The following SRRM3 variants were observed in gnomAD, a reference collection of about 807,000 sequenced individuals.
The protein encoded by SRRM3 is serine/arginine repetitive matrix 3, also known as serine/arginine repetitive matrix protein 3.
SRRM3 carries 27 observed loss-of-function variants against 66.2 expected under a neutral mutation model. The observed-to-expected ratio is 0.41, with a 90% CI of 0.30 to 0.56. The LOEUF (loss-of-function observed/expected upper bound fraction) is 0.56, where lower values mean the gene tolerates loss of function less well. Ranked by LOEUF, SRRM3 falls within the 20% of genes least tolerant of loss-of-function variation. The pLI, the probability that SRRM3 is intolerant of heterozygous loss-of-function variation, is 0.32. For synonymous variants in SRRM3, 391 were observed against 414.9 expected (o/e 0.94, Z 0.70); for missense variants, 918 against 991.9 (o/e 0.93, Z 1.00).
At chr7:76,262,424 T>C (rs1801897461) in intron 8 of SRRM3, among the ~76,000 whole-genome samples, 1 of 148,920 alleles carries the variant, frequency 6.7e-6, no homozygotes, top group Non-Finnish European at 1.5e-5. Context: ...GAGAATCACT[T>C]GAACCCGGGT....
intron 1 of SRRM3, among the ~76,000 whole-genome samples, chr7:76,214,134 C>T (rs1372840006): frequency 6.6e-6 from 1 of 152,112 alleles, no homozygotes; most frequent in Non-Finnish European, 1.5e-5. Flanking sequence ...TTCCCTCCTC[C>T]ACCATGCTGT....
At chr7:76,213,231 G>A (rs1275265687) in intron 1 of SRRM3, among the ~76,000 whole-genome samples, 1 of 151,044 alleles carries the variant, frequency 6.6e-6, no homozygotes, top group Admixed American at 6.6e-5. Flanking sequence ...GGCTGGTCTC[G>A]AACTCCTGAC....
chr7:76,283,226 G>A (rs1023059527), intron 14 of SRRM3, 125 bp downstream of exon 14: 3 of 1,149,440 alleles, frequency 2.6e-6, no homozygotes, highest in Middle Eastern at 6.1e-4. Flanking sequence ...GATGGGGGGG[G>A]GTGCTAAGGG....
In SRRM3 at chr7:76,263,875, G is replaced by GCCAAAAAAAAA. The variant is rs1243393227; in HGVS notation, c.675-890_675-889insCCAAAAAAAAA. The stretch of plus-strand genomic sequence containing the variant: ...GCAACAGAGCGGGACTCTGTCTCAA[G>GCCAAAAAAAAA]ACAAAAAAAAAAAAAAAAAAAAAAA... On this transcript the variant is annotated intron_variant, in intron 8 of 14. Transcript: ENST00000611745. Among the ~76,000 whole-genome samples, 224 of 26,730 alleles carry GCCAAAAAAAAA rather than the reference G, an allele frequency of 8.4e-3. 23 individuals carry two copies. The highest frequency in any genetic ancestry group is 9.9e-3 in the Non-Finnish European group (143 of 14,516). The allele number at this position is 26,730 out of a possible 152,430, so 17.5% of individuals were successfully genotyped here.
At chr7:76,260,940 G>T (rs1801847291) in intron 6 of SRRM3, 37 bp downstream of exon 6, 3 of 1,550,512 alleles carry the variant, frequency 1.9e-6, no homozygotes, top group Non-Finnish European at 2.6e-6. Context: ...CCAGGGCGGG[G>T]GATGTCTGTG....
intron 1 of SRRM3, among the ~76,000 whole-genome samples, chr7:76,232,755 G>C (rs1250878562): frequency 6.6e-6 from 1 of 152,292 alleles, no homozygotes; most frequent in South Asian, 2.1e-4. Context: ...TGGAGACGGG[G>C]CTGGACCAGG....
rs1800769562 is a variant in SRRM3 at position 76,223,262 on chromosome 7, T to C, written c.-39-11766T>C. On this transcript the variant is annotated intron_variant, in intron 1 of 14. Coordinates refer to ENST00000611745, the MANE Select transcript of SRRM3 (RefSeq NM_001110199.3). The stretch of plus-strand genomic sequence containing the variant: ...GATGGGGTGTCTCTTGGTCCTCTGG[T>C]CCTTACCCCCCCAGCCCCACGCTCT... Among the ~76,000 whole-genome samples the C allele has an allele frequency of 2.0e-5, 3 of 152,140 alleles. 1 individual carries two copies. In the South Asian group the frequency reaches 6.2e-4, roughly 32 times the overall value.
intron 11 of SRRM3, chr7:76,273,686 C>T (rs1303423435): frequency 6.6e-6 from 1 of 152,244 alleles, no homozygotes; most frequent in Admixed American, 6.5e-5. Flanking sequence ...TTCTTTCTCT[C>T]TCTCAATCTT....
In SRRM3 at chr7:76,265,828, T is replaced by TTATA. The variant is rs1167434051; in HGVS notation, c.830+388_830+391dup. Among the ~76,000 whole-genome samples, 179 of 25,544 alleles carry TTATA rather than the reference T, an allele frequency of 7.0e-3. 9 individuals are homozygous for TTATA. Among genetic ancestry groups the TTATA allele is most frequent in the Middle Eastern group, 0.028 (1 of 36 alleles). 16.8% of individuals were successfully genotyped at this position (25,544 alleles called of 152,430 possible). A position where few individuals can be genotyped will look rare whatever the true frequency, so the allele number is the denominator to read the frequency against. On this transcript the variant is annotated intron_variant, in intron 10 of 14. Transcript: ENST00000611745. ...TATATTTTATATATTTAATAAATATTTATATATATATATATATATATATAT... is the reference window on the plus strand; with the variant it reads ...TATATTTTATATATTTAATAAATATTTATATATATATATATATATATATATATAT...
At chr7:76,276,903 G>A (rs1242787974) in intron 11 of SRRM3, among the ~76,000 whole-genome samples, 1 of 152,190 alleles carries the variant, frequency 6.6e-6, no homozygotes, top group Non-Finnish European at 1.5e-5. Flanking sequence ...TGAGTTGGTT[G>A]TACTCTGAAA....
chr7:76,210,623 C>T (rs538276784), intron 1 of SRRM3, among the ~76,000 whole-genome samples: 1 of 152,226 alleles, frequency 6.6e-6, no homozygotes, highest in African/African-American at 2.4e-5. Context: ...CACCTGTGGT[C>T]CTAGATACTT....
chr7:76,259,595 A>G (rs1583918039), intron 3 of SRRM3, among the ~76,000 whole-genome samples: 1 of 151,818 alleles, frequency 6.6e-6, no homozygotes, highest in Non-Finnish European at 1.5e-5. Context: ...AAAAAAAAAA[A>G]AAGAGGAGGG....
At position 76,235,270 on chromosome 7, in the gene SRRM3, G is replaced by A; in HGVS notation, c.204G>A (p.Met68Ile). ...AGCGGCGGGTGGAGCTCAAGTGCAT[G>A]GAGCTGCAGGAGATGATGGAGGAGC... ...ERKRRVELKC[M>I]ELQEMMEEQG... The change falls in exon 2 of 15, where the codon ATG (methionine) becomes ATA (isoleucine). Residue 68 changes from methionine to isoleucine, a missense_variant. Coordinates refer to ENST00000611745, the MANE Select transcript of SRRM3 (RefSeq NM_001110199.3). The A allele has an allele frequency of 6.5e-7, 1 of 1,533,578 alleles. No homozygotes were observed. Among genetic ancestry groups the A allele is most frequent in the Non-Finnish European group, 8.7e-7 (1 of 1,146,838 alleles). The allele number at this position is 1,533,578 out of a possible 1,614,324, so 95.0% of individuals were successfully genotyped here. A position where few individuals can be genotyped will look rare whatever the true frequency, so the allele number is the denominator to read the frequency against.
chr7:76,241,204 C>A (rs1801286937), intron 2 of SRRM3, among the ~76,000 whole-genome samples: 1 of 152,052 alleles, frequency 6.6e-6, no homozygotes, highest in African/African-American at 2.4e-5. Flanking sequence ...GCCTAGAAAC[C>A]CTTGACTTTG....
intron 2 of SRRM3, among the ~76,000 whole-genome samples, chr7:76,242,222 C>T (rs990506778): frequency 2.6e-5 from 4 of 152,104 alleles, no homozygotes; most frequent in Non-Finnish European, 4.4e-5. Flanking sequence ...AGGTGGCTCA[C>T]GCCTGTAATC....
chr7:76,218,172 G>A (rs1346432554), intron 1 of SRRM3, among the ~76,000 whole-genome samples: 1 of 152,186 alleles, frequency 6.6e-6, no homozygotes, highest in African/African-American at 2.4e-5. Context: ...GATGAAAACT[G>A]GGTAAAGCAC....
intron 1 of SRRM3, among the ~76,000 whole-genome samples, chr7:76,208,594 G>C (rs1554601368): frequency 6.6e-6 from 1 of 152,080 alleles, no homozygotes; most frequent in African/African-American, 2.4e-5. Context: ...CAGCAGTTTG[G>C]GAGGCTGAGG....
intron 7 of SRRM3, 52 bp from the exon 8 acceptor site, chr7:76,261,494 T>G: frequency 6.2e-7 from 1 of 1,601,922 alleles, no homozygotes; most frequent in African/African-American, 1.3e-5. Flanking sequence ...TCCATAGGTC[T>G]CCCCTGGGCC....
Position 76,282,834 on chromosome 7 carries a change from C to A in SRRM3, c.1557C>A (p.Ser519Arg). The change falls in exon 13 of 15, where the codon AGC becomes AGA. Residue 519 changes from serine to arginine, a missense_variant. Transcript: ENST00000611745. ...GCTCTGCGGAGAAGCGGCCCCACAG[C>A]CCCAGCCGCTCGCCGTCGCCCAAGA... Reference protein sequence around the residue: ...RSRSAEKRPHSPSRSPSPKKP... With the variant: ...RSRSAEKRPHRPSRSPSPKKP... 1 of 1,456,648 alleles carries A rather than the reference C, an allele frequency of 6.9e-7. No individual in the cohort carries two copies. The highest frequency in any genetic ancestry group is 1.3e-5 in the South Asian group (1 of 76,248). The allele number at this position is 1,456,648 out of a possible 1,614,324, so 90.2% of individuals were successfully genotyped here.
Sources: allele counts gnomAD v4.1 joint callset (sites outside exome capture counted in the v4.1 genomes callset), GRCh38; gene constraint gnomAD v4.1.1; transcripts MANE v1.5; gene names NCBI Gene and HGNC (gene_info 2026-07-23, HGNC 2026-07-21).